The following AGBL4 variants were observed in gnomAD, a reference collection of about 807,000 sequenced individuals.
AGBL4 encodes cytosolic carboxypeptidase 6.
Under a neutral mutation model 66.4 loss-of-function variants are expected in AGBL4, and 58 were observed. That is an observed-to-expected ratio of 0.87 (90% CI 0.71 to 1.09). AGBL4 has a LOEUF of 1.09. Ranked by LOEUF, AGBL4 falls within the 50% of genes least tolerant of loss-of-function variation. The pLI is 0.00. For missense variants in AGBL4, 579 were observed against 631.0 expected, an observed-to-expected ratio of 0.92 and a Z score of 0.88; for synonymous variants, 234 against 222.9, an observed-to-expected ratio of 1.05 and a Z score of -0.44.
chr1:49,290,484 G>C (rs901709896), intron 3 of AGBL4, among the ~76,000 whole-genome samples: 1 of 152,152 alleles, frequency 6.6e-6, no homozygotes, highest in Non-Finnish European at 1.5e-5. Flanking sequence ...ATGAGTCAGA[G>C]AAATATACTC....
At chr1:48,877,434 T>C (rs1266258824) in intron 5 of AGBL4, among the ~76,000 whole-genome samples, 1 of 152,110 alleles carries the variant, frequency 6.6e-6, no homozygotes, top group East Asian at 1.9e-4. Flanking sequence ...CAAGAATGGG[T>C]CTGTTATGCT....
chr1:49,996,333 G>A (rs1660365800), intron 1 of AGBL4: 2 of 152,036 alleles, frequency 1.3e-5, no homozygotes, highest in South Asian at 4.1e-4. Flanking sequence ...AATATGGATG[G>A]AAAAATCCCC....
At chr1:48,848,950 A>T (rs1292291701) in intron 6 of AGBL4, among the ~76,000 whole-genome samples, 1 of 152,196 alleles carries the variant, frequency 6.6e-6, no homozygotes, top group Non-Finnish European at 1.5e-5. Flanking sequence ...TCTTATTCAA[A>T]AGAAATGGAG....
intron 3 of AGBL4, among the ~76,000 whole-genome samples, chr1:49,661,101 A>G (rs1417741842): frequency 2.0e-5 from 3 of 152,144 alleles, no homozygotes; most frequent in Non-Finnish European, 4.4e-5. Context: ...ATGTACCCCA[A>G]AACTTAAAAA....
At chr1:48,709,501 C>T (rs897956830) in intron 6 of AGBL4, among the ~76,000 whole-genome samples, 3 of 152,040 alleles carry the variant, frequency 2.0e-5, no homozygotes, top group Non-Finnish European at 4.4e-5. Flanking sequence ...CTTCCCCACC[C>T]CCCAAATATT....
intron 3 of AGBL4, among the ~76,000 whole-genome samples, chr1:49,298,445 TC>T (rs1044588252): frequency 6.6e-6 from 1 of 152,194 alleles, no homozygotes; most frequent in Non-Finnish European, 1.5e-5. Context: ...TTGGCAACAT[TC>T]CTTCTATTTG....
chr1:49,888,691 A>G (rs1191539575), intron 1 of AGBL4, among the ~76,000 whole-genome samples: 5 of 152,226 alleles, frequency 3.3e-5, no homozygotes, highest in Non-Finnish European at 5.9e-5. Context: ...CAATAGATGA[A>G]AAAATAAATA....
chr1:49,206,371 TAAAGGGG>T (rs1226139695), intron 4 of AGBL4, among the ~76,000 whole-genome samples: 1 of 152,140 alleles, frequency 6.6e-6, no homozygotes, highest in African/African-American at 2.4e-5. Flanking sequence ...GATGGCCCTA[TAAAGGGG>T]CAGAGCCTTA....
intron 4 of AGBL4, among the ~76,000 whole-genome samples, chr1:49,159,443 G>T (rs1646498670): frequency 1.3e-5 from 2 of 152,252 alleles, no homozygotes; most frequent in East Asian, 1.9e-4. Flanking sequence ...CTGTTAGTTT[G>T]TTGGGCTTCC....
intron 4 of AGBL4, among the ~76,000 whole-genome samples, chr1:49,052,579 G>A (rs1644239264): frequency 6.6e-6 from 1 of 152,170 alleles, no homozygotes; most frequent in African/African-American, 2.4e-5. Flanking sequence ...GTATGGGATG[G>A]TACATGAGGC....
At chr1:49,996,078 ATAT>A (rs1660348209) in intron 1 of AGBL4, 2 of 152,172 alleles carry the variant, frequency 1.3e-5, no homozygotes, top group African/African-American at 2.4e-5. Context: ...CTTAAGTCAA[ATAT>A]CTTCCCCCTG....
chr1:49,810,719 A>C (rs1645080871), intron 2 of AGBL4, among the ~76,000 whole-genome samples: 1 of 152,216 alleles, frequency 6.6e-6, no homozygotes, highest in African/African-American at 2.4e-5. Flanking sequence ...TTCAACCTAA[A>C]GGCTCTTAAG....
At chr1:48,698,632 T>C (rs1382258669) in intron 6 of AGBL4, among the ~76,000 whole-genome samples, 3 of 152,198 alleles carry the variant, frequency 2.0e-5, no homozygotes, top group African/African-American at 7.2e-5. Context: ...ATTTGATGAA[T>C]TGGGAGACCA....
At chr1:48,817,046 C>T (rs1646196954) in intron 6 of AGBL4, among the ~76,000 whole-genome samples, 2 of 152,134 alleles carry the variant, frequency 1.3e-5, no homozygotes, top group Non-Finnish European at 1.5e-5. Flanking sequence ...AGAAGTTAGT[C>T]CATTCTAGGA....
intron 2 of AGBL4, among the ~76,000 whole-genome samples, chr1:49,746,176 G>T (rs903887634): frequency 1.3e-5 from 2 of 151,806 alleles, no homozygotes; most frequent in African/African-American, 2.4e-5. Flanking sequence ...ATGCATTCCT[G>T]AACACTGTGC....
intron 1 of AGBL4, among the ~76,000 whole-genome samples, chr1:49,909,224 G>A (rs778499878): frequency 3.9e-5 from 6 of 152,040 alleles, no homozygotes; most frequent in Non-Finnish European, 2.9e-5. Context: ...CTGGCATATG[G>A]TAAGAGTTAT....
chr1:49,594,912 T>C (rs1211909850), intron 3 of AGBL4, among the ~76,000 whole-genome samples: 1 of 152,192 alleles, frequency 6.6e-6, no homozygotes, highest in African/African-American at 2.4e-5. Context: ...GGTCAAATGG[T>C]ATTTCTGGTT....
chr1:49,731,239 C>G (rs1034421332), intron 2 of AGBL4, among the ~76,000 whole-genome samples: 2 of 152,150 alleles, frequency 1.3e-5, no homozygotes, highest in Non-Finnish European at 2.9e-5. Context: ...TCTCATTTCT[C>G]CATCAACCCC....
intron 8 of AGBL4, among the ~76,000 whole-genome samples, chr1:48,648,289 A>G (rs572775011): frequency 6.6e-6 from 1 of 152,308 alleles, no homozygotes; most frequent in South Asian, 2.1e-4. Flanking sequence ...CACTTGAAGA[A>G]CGTCATGTAA....
Sources: allele counts gnomAD v4.1 joint callset (sites outside exome capture counted in the v4.1 genomes callset), GRCh38; gene constraint gnomAD v4.1.1; transcripts MANE v1.5; gene names NCBI Gene and HGNC (gene_info 2026-07-23, HGNC 2026-07-21).